PEX5: variants seen among roughly 807,000 people sequenced by gnomAD.
PEX5 encodes the protein peroxisomal biogenesis factor 5.
A neutral mutation model predicts 82.9 loss-of-function variants in PEX5; 52 were observed. The observed-to-expected ratio is 0.63, with a 90% CI of 0.50 to 0.79. PEX5 has a LOEUF of 0.79. PEX5 is among the 30% of genes least tolerant of loss of function. The pLI, the probability that PEX5 is intolerant of heterozygous loss-of-function variation, is 0.00. For synonymous variants in PEX5, 300 were observed against 318.8 expected (o/e 0.94, Z 0.63); for missense variants, 719 against 815.2 (o/e 0.88, Z 1.44).
At position 7,201,741 on chromosome 12, in the gene PEX5, CCCGTTCCAGGTA is replaced by C. The variant is rs1944077729; in HGVS notation, c.552-9_554del. The C allele has an allele frequency of 6.2e-7, 1 of 1,603,256 alleles. No individual in the cohort carries two copies. Among genetic ancestry groups the C allele is most frequent in the Admixed American group, 1.7e-5 (1 of 59,984 alleles). On this transcript the variant is annotated splice_acceptor_variant and splice_polypyrimidine_tract_variant and coding_sequence_variant and intron_variant, in exon 7 of 16. Coordinates refer to ENST00000675855, the MANE Select transcript of PEX5 (RefSeq NM_001351132.2). LOFTEE classifies it high-confidence loss of function. Reference sequence around the variant, plus strand: ...GACTAATGTGTAAAATTAGTTCTTACCCGTTCCAGGTATGATGAATATCATCCTGAGGAGGAT... The same window carrying C: ...GACTAATGTGTAAAATTAGTTCTTACTGATGAATATCATCCTGAGGAGGAT...
chr12:7,203,275 G>C (rs1158926921), intron 9 of PEX5, among the ~76,000 whole-genome samples, 157 bp from the exon 10 acceptor site: 1 of 111,778 alleles, frequency 8.9e-6, no homozygotes, highest in Non-Finnish European at 2.1e-5. Context: ...TCTGGGGATA[G>C]CATCTGGCCA....
intron 10 of PEX5, 112 bp from the exon 11 acceptor site, chr12:7,207,547 C>T (rs3825405): frequency 8.0e-6 from 8 of 997,322 alleles, no homozygotes; most frequent in African/African-American, 4.8e-5. Flanking sequence ...CAATTAATTC[C>T]GGAACCTGTT....
intron 17 of PEX5, chr12:7,218,255 A>G (rs1357343009): frequency 6.6e-6 from 1 of 152,330 alleles, no homozygotes; most frequent in East Asian, 1.9e-4. Context: ...TATCAACTAA[A>G]GTAGGAATTC....
downstream of PEX5, among the ~76,000 whole-genome samples, chr12:7,216,215 G>A (rs1945775661): frequency 6.6e-6 from 1 of 152,226 alleles, no homozygotes; most frequent in Non-Finnish European, 1.5e-5. Context: ...TGATCCACCC[G>A]CCTTAGCTTC....
In PEX5 at chr12:7,197,460, TAATTA is replaced by T. The variant is rs1203310867; in HGVS notation, c.449-1550_449-1546del. 2.4e-3 allele frequency among the ~76,000 whole-genome samples: 127 copies of T among 52,194 alleles called. 7 individuals are homozygous for T. In the East Asian group the frequency reaches 0.032, roughly 13 times the overall value. The allele number at this position is 52,194 out of a possible 152,430, so 34.2% of individuals were successfully genotyped here. A position where few individuals can be genotyped will look rare whatever the true frequency, so the allele number is the denominator to read the frequency against. On this transcript the variant is annotated intron_variant, in intron 5 of 15. Coordinates refer to ENST00000675855, the MANE Select transcript of PEX5 (RefSeq NM_001351132.2). ...TGTAATTATGTTATATATAATGTAA[TAATTA>T]TATATGTTATATATAATATAATAAT...
At chr12:7,193,905 G>A (rs1591663946) in intron 5 of PEX5, among the ~76,000 whole-genome samples, 1 of 152,320 alleles carries the variant, frequency 6.6e-6, no homozygotes, top group Admixed American at 6.5e-5. Context: ...CTGTTTCACA[G>A]AGGCAGAGAC....
At position 7,210,293 on chromosome 12, in the gene PEX5, C is replaced by A. The variant is rs900924164; in HGVS notation, c.*70C>A. Reference sequence around the variant, plus strand: ...CGCTTTGGATGTGATTCCCTCTCCCCAAATGGGCCTACCAAGGGGGCGGGC... The same window carrying A: ...CGCTTTGGATGTGATTCCCTCTCCCAAAATGGGCCTACCAAGGGGGCGGGC... On this transcript the variant is annotated 3_prime_UTR_variant, in exon 16 of 16. Coordinates refer to ENST00000675855, the MANE Select transcript of PEX5 (RefSeq NM_001351132.2). 6.8e-7 allele frequency: 1 copy of A among 1,471,534 alleles called. No homozygotes were observed. 91.2% of individuals were successfully genotyped at this position (1,471,534 alleles called of 1,614,324 possible). A position where few individuals can be genotyped will look rare whatever the true frequency, so the allele number is the denominator to read the frequency against.
intron 6 of PEX5, among the ~76,000 whole-genome samples, chr12:7,200,503 G>A (rs1226121091): frequency 3.9e-5 from 6 of 152,204 alleles, no homozygotes; most frequent in African/African-American, 1.4e-4. Flanking sequence ...CCAGGCAGAG[G>A]CTGCAATCTC....
intron 10 of PEX5, among the ~76,000 whole-genome samples, chr12:7,206,427 ATATT>A (rs1418833926): frequency 2.0e-5 from 3 of 152,228 alleles, no homozygotes; most frequent in Non-Finnish European, 4.4e-5. Flanking sequence ...GAAGCCTGAA[ATATT>A]TATTATCTGG....
intron 5 of PEX5, among the ~76,000 whole-genome samples, chr12:7,197,226 ATGTCATATGTAATAAT>A (rs1942709506): frequency 9.6e-5 from 6 of 62,566 alleles, no homozygotes; most frequent in Admixed American, 2.2e-4. Flanking sequence ...GTAATTATAT[ATGTCATATGTAATAAT>A]TATATGTCAT....
In PEX5 at chr12:7,208,998, C is replaced by T. The variant is rs771862091; in HGVS notation, c.1395-7C>T. The T allele has an allele frequency of 8.1e-6, 13 of 1,613,596 alleles. No individual in the cohort carries two copies. The highest frequency in any genetic ancestry group is 1.0e-5 in the Non-Finnish European group (12 of 1,179,714). ...ACCTACTTTGTGTTTTTTTCCTTTT[C>T]ATCCAGCTCCCTGTTTCTTGAAGTG... is the stretch of plus-strand genomic sequence containing the variant. On this transcript the variant is annotated splice_polypyrimidine_tract_variant and splice_region_variant and intron_variant, in intron 13 of 15. Transcript: ENST00000675855.
chr12:7,211,899 A>T (rs957150865), downstream of PEX5, among the ~76,000 whole-genome samples: 1 of 152,072 alleles, frequency 6.6e-6, no homozygotes, highest in African/African-American at 2.4e-5. Flanking sequence ...AAAAATATAC[A>T]CAAATATTTA....
rs373242881 is a variant in PEX5, at chr12:7,202,361, T to C, written c.753+10T>C. On this transcript the variant is annotated intron_variant, in intron 8 of 15. Coordinates refer to ENST00000675855, the MANE Select transcript of PEX5 (RefSeq NM_001351132.2). ...GTTTATACAGCAGCAGGTAGGACATTGTCACTTTCCAGTCCCACTTCAGAG... is the reference window on the plus strand; with the variant it reads ...GTTTATACAGCAGCAGGTAGGACATCGTCACTTTCCAGTCCCACTTCAGAG... The C allele has an allele frequency of 2.4e-5, 38 of 1,613,906 alleles. No homozygotes were observed. The African/African-American group carries it at 4.1e-4, about 18-fold the overall frequency.
At chr12:7,201,133 G>C (rs116727390) in intron 6 of PEX5, among the ~76,000 whole-genome samples, 1 of 112,058 alleles carries the variant, frequency 8.9e-6, no homozygotes, top group Admixed American at 9.5e-5. Flanking sequence ...GCATGTGTGC[G>C]TGCACACACA....
At chr12:7,189,643 C>A (rs1053835591), upstream of PEX5, 5 of 329,330 alleles carry the variant, frequency 1.5e-5, no homozygotes, top group East Asian at 4.9e-5. Flanking sequence ...GGGGCGGTCA[C>A]GGCCCCTTTA....
At position 7,191,370 on chromosome 12, in the gene PEX5, GTC is replaced by G; in HGVS notation, c.316+14_316+15del. 6.2e-7 allele frequency: 1 copy of G among 1,614,184 alleles called. No homozygotes were observed. The highest frequency in any genetic ancestry group is 8.5e-7 in the Non-Finnish European group (1 of 1,180,036). On this transcript the variant is annotated intron_variant, in intron 4 of 15. Transcript: ENST00000675855. ...GGCTCCCCAGAGAGGTGAGTCCAGA[GTC>G]TAGTGGGAGGGGAGATCGTTTTCCA...
At chr12:7,192,220 C>CT (rs1251489558) in intron 5 of PEX5, among the ~76,000 whole-genome samples, 1 of 152,170 alleles carries the variant, frequency 6.6e-6, no homozygotes, top group Non-Finnish European at 1.5e-5. Flanking sequence ...TCTACTTACT[C>CT]TCCATGAGAA....
At chr12:7,201,577 C>T (rs1220305373) in intron 6 of PEX5, among the ~76,000 whole-genome samples, 174 bp from the exon 7 acceptor site, 1 of 152,172 alleles carries the variant, frequency 6.6e-6, no homozygotes, top group African/African-American at 2.4e-5. Context: ...GTAGCTAGTA[C>T]TTTCACACTC....
At chr12:7,193,281 T>TGG (rs1252533558) in intron 5 of PEX5, among the ~76,000 whole-genome samples, 5 of 146,276 alleles carry the variant, frequency 3.4e-5, no homozygotes, top group Non-Finnish European at 7.4e-5. Context: ...TCACCCAGGG[T>TGG]GGAGTGCAGC....
Sources: allele counts gnomAD v4.1 joint callset (sites outside exome capture counted in the v4.1 genomes callset), GRCh38; gene constraint gnomAD v4.1.1; transcripts MANE v1.5; gene names NCBI Gene and HGNC (gene_info 2026-07-23, HGNC 2026-07-21).